The following THSD4 variants were observed in gnomAD, a reference collection of about 807,000 sequenced individuals.
The protein encoded by THSD4 is thrombospondin type-1 domain-containing protein 4.
A neutral mutation model predicts 119.0 loss-of-function variants in THSD4; 69 were observed. The ratio of observed to expected loss-of-function variants is 0.58; its 90% CI spans 0.48 to 0.71. The LOEUF is 0.71. Among genes scored for constraint, THSD4 ranks in the 30% least tolerant of loss-of-function variants. The pLI is 0.00. For missense variants in THSD4, 1,393 were observed against 1,391.1 expected, an observed-to-expected ratio of 1.00 and a Z score of -0.02; for synonymous variants, 524 against 540.4, an observed-to-expected ratio of 0.97 and a Z score of 0.42.
At chr15:71,174,295 C>G (rs1021768697) in intron 3 of THSD4, among the ~76,000 whole-genome samples, 3 of 152,062 alleles carry the variant, frequency 2.0e-5, no homozygotes, top group East Asian at 1.9e-4. Flanking sequence ...GTGCGCGCGC[C>G]GAAGCAGGGC....
intron 7 of THSD4, among the ~76,000 whole-genome samples, chr15:71,497,138 G>A (rs956901637): frequency 3.3e-5 from 5 of 152,308 alleles, no homozygotes; most frequent in East Asian, 1.9e-4. Context: ...ACCTTTCTGC[G>A]ATGATAATAC....
intron 6 of THSD4, among the ~76,000 whole-genome samples, chr15:71,361,671 G>A (rs2045893372): frequency 6.6e-6 from 1 of 152,108 alleles, no homozygotes; most frequent in South Asian, 2.1e-4. Context: ...ACTATTTGGA[G>A]GCAGAAATAA....
Position 71,419,491 on chromosome 15 carries a change from G to A in THSD4, c.1152+7668G>A, listed in dbSNP as rs1265000993. ...GCTGGGATATAGGCATGAGCACCATGCCTGGTCTATTATTTATCTTTTACT... is the reference window on the plus strand; with the variant it reads ...GCTGGGATATAGGCATGAGCACCATACCTGGTCTATTATTTATCTTTTACT... On this transcript the variant is annotated intron_variant, in intron 7 of 17. Coordinates refer to ENST00000261862, the MANE Select transcript of THSD4 (RefSeq NM_024817.3). Among the ~76,000 whole-genome samples, 7 of 108,454 alleles carry A rather than the reference G, an allele frequency of 6.5e-5. 2 individuals carry two copies. The highest frequency in any genetic ancestry group is 6.1e-4 in the East Asian group (2 of 3,270). The allele number at this position is 108,454 out of a possible 152,430, so 71.2% of individuals were successfully genotyped here.
At chr15:71,307,820 G>A (rs12439634) in intron 6 of THSD4, among the ~76,000 whole-genome samples, 7 of 152,166 alleles carry the variant, frequency 4.6e-5, no homozygotes, top group Admixed American at 4.6e-4. Flanking sequence ...TTATTACAGT[G>A]AAAGGATACA....
At chr15:71,331,827 C>A (rs1404812204) in intron 6 of THSD4, among the ~76,000 whole-genome samples, 1 of 150,070 alleles carries the variant, frequency 6.7e-6, no homozygotes, top group Non-Finnish European at 1.5e-5. Flanking sequence ...CCCCTCCCCA[C>A]CCCGTGACAT....
chr15:71,733,198 G>A lies in THSD4; in HGVS notation c.1630+1981G>A, dbSNP rs533833418. 13 of 152,384 alleles carry A rather than the reference G, an allele frequency of 8.5e-5. No homozygotes were observed. In the South Asian group the frequency reaches 2.7e-3, roughly 32 times the overall value. The allele number at this position is 152,384 out of a possible 1,614,324, so 9.4% of individuals were successfully genotyped here. A position where few individuals can be genotyped will look rare whatever the true frequency, so the allele number is the denominator to read the frequency against. ...TCTGGGATCAGCTCCCTGGGACAGG[G>A]CAGGCCTGGAGGGGTCACCTGTAAA... On this transcript the variant is annotated intron_variant, in intron 10 of 17. Transcript: ENST00000261862.
At chr15:71,577,433 G>A (rs8043188) in intron 7 of THSD4, among the ~76,000 whole-genome samples, 144,328 of 152,234 alleles carry the variant, frequency 0.95, 68,917 homozygotes, top group Middle Eastern at 1. Flanking sequence ...ACTTTCTGGG[G>A]CTTGACAGTT....
chr15:71,412,514 C>T (rs1266780256), intron 7 of THSD4, among the ~76,000 whole-genome samples: 1 of 152,122 alleles, frequency 6.6e-6, no homozygotes, highest in Non-Finnish European at 1.5e-5. Flanking sequence ...CTTTCATCTA[C>T]GTATGTATTC....
At chr15:71,311,272 C>T (rs552809626) in intron 6 of THSD4, among the ~76,000 whole-genome samples, 1 of 152,272 alleles carries the variant, frequency 6.6e-6, no homozygotes, top group African/African-American at 2.4e-5. Flanking sequence ...TGTCATAGGC[C>T]ACCTCTACTT....
chr15:71,550,858 G>A (rs1014477054), intron 7 of THSD4, among the ~76,000 whole-genome samples: 16 of 152,170 alleles, frequency 1.1e-4, no homozygotes, highest in African/African-American at 3.9e-4. Context: ...AGTGGTGATG[G>A]TTGCACAATT....
chr15:71,240,834 CACACAT>C (rs772029269), intron 4 of THSD4, among the ~76,000 whole-genome samples: 12 of 143,888 alleles, frequency 8.3e-5, no homozygotes, highest in South Asian at 2.2e-4. Flanking sequence ...CACACACACA[CACACAT>C]ATATACATAT....
intron 16 of THSD4, among the ~76,000 whole-genome samples, chr15:71,767,884 ACTT>A (rs1238703308): frequency 6.6e-6 from 1 of 152,212 alleles, no homozygotes; most frequent in Non-Finnish European, 1.5e-5. Flanking sequence ...CCCAGAGCCA[ACTT>A]GTAGAGGCTC....
chr15:71,357,018 GAA>G (rs2045823842), intron 6 of THSD4, among the ~76,000 whole-genome samples: 1 of 152,202 alleles, frequency 6.6e-6, no homozygotes, highest in African/African-American at 2.4e-5. Flanking sequence ...TTTGGGGTAA[GAA>G]GAGCATATCA....
At chr15:71,471,531 T>C (rs2047580291) in intron 7 of THSD4, among the ~76,000 whole-genome samples, 1 of 151,998 alleles carries the variant, frequency 6.6e-6, no homozygotes. Context: ...TCTTTTGCCT[T>C]GCCCTCACCC....
chr15:71,176,049 A>T (rs1184948131), intron 3 of THSD4, among the ~76,000 whole-genome samples: 1 of 120,086 alleles, frequency 8.3e-6, no homozygotes, highest in Non-Finnish European at 1.8e-5. Context: ...AAATGTAAAG[A>T]CCATCGAGAC....
intron 6 of THSD4, among the ~76,000 whole-genome samples, chr15:71,359,725 G>C (rs556421424): frequency 6.6e-6 from 1 of 152,180 alleles, no homozygotes; most frequent in Non-Finnish European, 1.5e-5. Context: ...TGAAAGGATC[G>C]CTTGGGCCTG....
intron 7 of THSD4, among the ~76,000 whole-genome samples, chr15:71,434,434 CTTTTTTTT>C (rs34097873): frequency 9.7e-5 from 8 of 82,586 alleles, no homozygotes; most frequent in Middle Eastern, 0.016. Context: ...TCAGTGGTCC[CTTTTTTTT>C]TTTTTTTTTT....
intron 6 of THSD4, among the ~76,000 whole-genome samples, chr15:71,389,807 G>GTTTTTTTTTTTTTTTTTTT (rs1237701264): frequency 8.6e-5 from 4 of 46,254 alleles, no homozygotes; most frequent in Non-Finnish European, 1.0e-4. Context: ...TATTTTCTGG[G>GTTTTTTTTTTTTTTTTTTT]TTGTTTTTTT....
At chr15:71,651,282 C>T (rs1478780530) in intron 7 of THSD4, among the ~76,000 whole-genome samples, 3 of 152,224 alleles carry the variant, frequency 2.0e-5, no homozygotes, top group South Asian at 2.1e-4. Context: ...AATTTCATCT[C>T]TCTGGTCCAG....
Sources: gnomAD v4.1 joint callset for allele counts (sites outside exome capture counted in the v4.1 genomes callset) on GRCh38, gnomAD v4.1.1 for gene constraint, MANE v1.5 for transcripts, NCBI Gene and HGNC (gene_info 2026-07-23, HGNC 2026-07-21) for gene names.